Variants in RCC1L observed in about 807,000 individuals in gnomAD.
RCC1L encodes the protein RCC1 like, also known as RCC1-like G exchanging factor-like protein.
RCC1L carries 46 observed loss-of-function variants against 58.6 expected under a neutral mutation model. That is an observed-to-expected ratio of 0.79 (90% confidence interval 0.62 to 1.00). The LOEUF (loss-of-function observed/expected upper bound fraction) is 1.00, where lower values mean the gene tolerates loss of function less well. RCC1L is among the 50% of genes least tolerant of loss of function. The probability of loss-of-function intolerance (pLI) is 0.00; values close to 1 mark genes in which losing one functional copy is unlikely to be tolerated. For missense variants in RCC1L, 636 were observed against 623.6 expected (o/e 1.02, Z -0.21); for synonymous variants, 281 against 262.9 (o/e 1.07, Z -0.67).
intron 10 of RCC1L, among the ~76,000 whole-genome samples, chr7:75,047,429 G>A (rs1443266612): frequency 2.6e-5 from 4 of 152,084 alleles, no homozygotes; most frequent in Non-Finnish European, 5.9e-5. Context: ...ACTGCACCTG[G>A]GTCATTTGTT....
intron 10 of RCC1L, among the ~76,000 whole-genome samples, chr7:75,051,561 T>G (rs1805917490): frequency 6.6e-6 from 1 of 151,940 alleles, no homozygotes; most frequent in Non-Finnish European, 1.5e-5. Context: ...TACAGGCGTG[T>G]GCCACCATGC....
intron 10 of RCC1L, among the ~76,000 whole-genome samples, chr7:75,036,009 T>G (rs1266218395): frequency 2.0e-5 from 3 of 151,464 alleles, no homozygotes; most frequent in African/African-American, 4.9e-5. Context: ...TCTCAAAAAC[T>G]AAAAGTTTCC....
At chr7:75,034,159 AAAG>A (rs1229315150) in intron 10 of RCC1L, among the ~76,000 whole-genome samples, 1 of 152,184 alleles carries the variant, frequency 6.6e-6, no homozygotes, top group Non-Finnish European at 1.5e-5. Context: ...TTGATGTTTT[AAAG>A]AAGGAATGCG....
Position 75,048,047 on chromosome 7 carries a change from A to G in RCC1L, c.1317+4664T>C, listed in dbSNP as rs1343899727. On this transcript the variant is annotated intron_variant, in intron 10 of 10. Coordinates refer to ENST00000610322, the MANE Select transcript of RCC1L (RefSeq NM_030798.5). ...TTTGGGAGGCCGAGGCAGGTGGATC[A>G]CCTGAGGTGAGGAGTTTGAGACCAG... Among the ~76,000 whole-genome samples, 4 of 149,386 alleles carry G rather than the reference A, an allele frequency of 2.7e-5. No individual in the cohort carries two copies. In the East Asian group the frequency reaches 8.1e-4, roughly 30 times the overall value.
At position 75,073,688 on chromosome 7, in the gene RCC1L, C is replaced by T. The variant is rs1375530399; in HGVS notation, c.50G>A (p.Ser17Asn). ...VAGARLGRRL[S>N]GPGLGRGHWT... Reference sequence around the variant, plus strand: ...GTGCCCTCGCCCCAGCCCCGGCCCGCTCAGCCGCCGCCCCAGCCGAGCCCC... The same window carrying T: ...GTGCCCTCGCCCCAGCCCCGGCCCGTTCAGCCGCCGCCCCAGCCGAGCCCC... The change falls in exon 1 of 11, where the codon AGC becomes AAC. Residue 17 changes from serine (S) to asparagine (N), a missense_variant. Ser to Asn is a conservative substitution (Grantham distance 46, BLOSUM62 1). Transcript: ENST00000610322. The T allele has an allele frequency of 5.3e-6, 8 of 1,507,962 alleles. No homozygotes were observed. In the Admixed American group the frequency reaches 1.7e-4, roughly 32 times the overall value. 93.4% of individuals were successfully genotyped at this position (1,507,962 alleles called of 1,614,324 possible). A position where few individuals can be genotyped will look rare whatever the true frequency, so the allele number is the denominator to read the frequency against.
chr7:75,052,727 T>C lies in RCC1L; in HGVS notation c.1301A>G (p.Gln434Arg), dbSNP rs1398730444. 2.5e-6 allele frequency: 4 copies of C among 1,612,316 alleles called. No individual in the cohort carries two copies. Among genetic ancestry groups the C allele is most frequent in the Non-Finnish European group, 3.4e-6 (4 of 1,179,456 alleles). The change falls in exon 10 of 11, where the codon CAG becomes CGG. Residue 434 changes from glutamine to arginine, a missense_variant. Coordinates refer to ENST00000610322, the MANE Select transcript of RCC1L (RefSeq NM_030798.5). ...CAGCCTTACCCTCCATGGGAAATAC[T>C]GGTCCTCCAGGCGACCGATTCCCAG... is the stretch of plus-strand genomic sequence containing the variant. ...GCLGIGRLED[Q>R]YFPWRVTMPG...
chr7:75,070,537 C>G (rs1166593465), intron 2 of RCC1L, 103 bp downstream of exon 2: 1 of 1,494,026 alleles, frequency 6.7e-7, no homozygotes, highest in Non-Finnish European at 8.9e-7. Flanking sequence ...CGCCACTGCA[C>G]TCTAGCCTGG....
intron 6 of RCC1L, 121 bp downstream of exon 6, chr7:75,061,086 A>C: frequency 2.3e-6 from 2 of 851,346 alleles, no homozygotes; most frequent in Non-Finnish European, 4.1e-6. Context: ...TCAGAAAGTG[A>C]TAAGAGGTAA....
At chr7:75,059,339 T>C (rs2131997207) in intron 6 of RCC1L, among the ~76,000 whole-genome samples, 1 of 151,734 alleles carries the variant, frequency 6.6e-6, no homozygotes, top group Non-Finnish European at 1.5e-5. Context: ...CTCGGCTCAC[T>C]GCAATCTCCA....
chr7:75,041,285 G>A (rs1406087189), downstream of RCC1L, among the ~76,000 whole-genome samples: 1 of 151,932 alleles, frequency 6.6e-6, no homozygotes, highest in African/African-American at 2.4e-5. Flanking sequence ...CTCTCCTCCT[G>A]CTTTCTCTCA....
intron 10 of RCC1L, among the ~76,000 whole-genome samples, chr7:75,031,607 G>A (rs1805308475): frequency 6.6e-6 from 1 of 152,066 alleles, no homozygotes; most frequent in Non-Finnish European, 1.5e-5. Flanking sequence ...CCACACTGTG[G>A]TCGGGGGAAC....
downstream of RCC1L, among the ~76,000 whole-genome samples, chr7:75,039,668 C>A (rs984219504): frequency 5.3e-5 from 8 of 152,140 alleles, no homozygotes; most frequent in African/African-American, 9.7e-5. Flanking sequence ...CACGCTACGT[C>A]TTCCACCCGG....
At chr7:75,063,089 C>T (rs899271110) in intron 5 of RCC1L, among the ~76,000 whole-genome samples, 4 of 152,118 alleles carry the variant, frequency 2.6e-5, no homozygotes, top group Non-Finnish European at 5.9e-5. Context: ...ATAGCCACCA[C>T]ACCCGGCCCC....
chr7:75,058,478 G>C (rs913302577), intron 7 of RCC1L, 110 bp downstream of exon 7: 3 of 1,409,420 alleles, frequency 2.1e-6, no homozygotes, highest in Non-Finnish European at 2.0e-6. Context: ...CCATCTGCCT[G>C]TCTCGGCCTT....
At chr7:75,039,321 C>T (rs944318266), downstream of RCC1L, among the ~76,000 whole-genome samples, 4,484 of 152,330 alleles carry the variant, frequency 0.029, 147 homozygotes, top group African/African-American at 0.081. Flanking sequence ...TGGGCCGTGC[C>T]CGAGCCTTCT....
downstream of RCC1L, among the ~76,000 whole-genome samples, chr7:75,039,170 C>T (rs1805491385): frequency 6.6e-6 from 1 of 152,172 alleles, no homozygotes. Flanking sequence ...CTCCCACTGC[C>T]GTCCAGGTGA....
At chr7:75,059,204 GA>G (rs1212226550) in intron 6 of RCC1L, among the ~76,000 whole-genome samples, 7 of 120,150 alleles carry the variant, frequency 5.8e-5, no homozygotes, top group South Asian at 5.8e-4. Context: ...AAAAAAAAAA[GA>G]AAAAAAAAGA....
chr7:75,054,756 T>C (rs1469275200), intron 9 of RCC1L, among the ~76,000 whole-genome samples: 1 of 152,066 alleles, frequency 6.6e-6, no homozygotes, highest in Non-Finnish European at 1.5e-5. Flanking sequence ...CACTCCAGCC[T>C]GGGCAACAAG....
intron 10 of RCC1L, chr7:75,028,219 C>T: frequency 1.3e-6 from 1 of 779,100 alleles, no homozygotes; most frequent in Admixed American, 3.0e-5. Context: ...TTCCTGGGTT[C>T]AAGCGAGTCT....
Sources: allele counts gnomAD v4.1 joint callset (sites outside exome capture counted in the v4.1 genomes callset), GRCh38; gene constraint gnomAD v4.1.1; transcripts MANE v1.5; gene names NCBI Gene and HGNC (gene_info 2026-07-23, HGNC 2026-07-21).